Variants in SEMA3C observed in about 807,000 individuals in gnomAD.
SEMA3C encodes semaphorin-3C.
Under a neutral mutation model 89.4 loss-of-function variants are expected in SEMA3C, and 47 were observed. The ratio of observed to expected loss-of-function variants is 0.53; its 90% CI spans 0.42 to 0.67. The LOEUF (loss-of-function observed/expected upper bound fraction) is 0.67, where lower values mean the gene tolerates loss of function less well. SEMA3C is among the 30% of genes least tolerant of loss of function. The probability of loss-of-function intolerance (pLI) is 0.00; values close to 1 mark genes in which losing one functional copy is unlikely to be tolerated. For missense variants in SEMA3C, 839 were observed against 929.1 expected (o/e 0.90, Z 1.26); for synonymous variants, 310 against 320.2 (o/e 0.97, Z 0.34).
rs2115660871 is a variant in SEMA3C, at chr7:80,800,838, A to G, written c.917-12T>C. ...CAGAAACACATCCTCTATAAAAAGG[A>G]AAATATTCTTTTAAAGTTTCTAAAT... On this transcript the variant is annotated splice_polypyrimidine_tract_variant and intron_variant, in intron 9 of 17. Transcript: ENST00000265361. 1 of 1,491,704 alleles carries G rather than the reference A, an allele frequency of 6.7e-7. No homozygotes were observed. The highest frequency in any genetic ancestry group is 8.9e-7 in the Non-Finnish European group (1 of 1,121,062). 92.4% of individuals were successfully genotyped at this position (1,491,704 alleles called of 1,614,324 possible).
chr7:80,847,524 G>T (rs949004906), intron 2 of SEMA3C, among the ~76,000 whole-genome samples: 1 of 152,086 alleles, frequency 6.6e-6, no homozygotes, highest in Non-Finnish European at 1.5e-5. Flanking sequence ...GGTAATTACT[G>T]TTGGCACTCT....
chr7:80,911,579 C>T (rs1296371297), intron 2 of SEMA3C, among the ~76,000 whole-genome samples: 1 of 150,730 alleles, frequency 6.6e-6, no homozygotes, highest in Admixed American at 6.6e-5. Context: ...ATTTAGTAAA[C>T]ATGTTTAGGC....
chr7:80,890,284 AG>A (rs922893957), intron 2 of SEMA3C, among the ~76,000 whole-genome samples: 2 of 152,208 alleles, frequency 1.3e-5, no homozygotes, highest in African/African-American at 4.8e-5. Flanking sequence ...TTCTGAAGGA[AG>A]CTGAGGGTCT....
At chr7:80,763,501 C>T (rs896011428) in intron 13 of SEMA3C, among the ~76,000 whole-genome samples, 2 of 152,122 alleles carry the variant, frequency 1.3e-5, no homozygotes, top group Non-Finnish European at 2.9e-5. Flanking sequence ...TGCATTCTGA[C>T]TGACTCTGTT....
intron 2 of SEMA3C, among the ~76,000 whole-genome samples, chr7:80,836,155 C>T (rs536351816): frequency 2.6e-5 from 4 of 152,140 alleles, no homozygotes; most frequent in Non-Finnish European, 5.9e-5. Context: ...GAACTATCAA[C>T]ATCTCAGTGA....
intron 15 of SEMA3C, among the ~76,000 whole-genome samples, chr7:80,754,968 T>TTTTTTTTGTTTTTTGTTTTTTTGTA (rs1788032247): frequency 1.3e-4 from 1 of 7,754 alleles, no homozygotes; most frequent in Non-Finnish European, 4.6e-4. Flanking sequence ...TTTTTTTTTT[T>TTTTTTTTGTTTTTTGTTTTTTTGTA]TTTGTATTTT....
chr7:80,808,049 G>A (rs1191152187), intron 6 of SEMA3C, among the ~76,000 whole-genome samples: 1 of 152,132 alleles, frequency 6.6e-6, no homozygotes, highest in Non-Finnish European at 1.5e-5. Context: ...ATAGGAACAT[G>A]AGCATAGGAA....
intron 2 of SEMA3C, among the ~76,000 whole-genome samples, chr7:80,903,167 GAAC>G (rs1456433997): frequency 6.6e-6 from 1 of 152,026 alleles, no homozygotes; most frequent in African/African-American, 2.4e-5. Flanking sequence ...GTCATTGTGC[GAAC>G]ATCATATATT....
rs1791465808 is a variant in SEMA3C, at chr7:80,885,983, T to C, written c.103+30696A>G. On this transcript the variant is annotated intron_variant, in intron 2 of 17. Coordinates refer to ENST00000265361, the MANE Select transcript of SEMA3C (RefSeq NM_006379.5). Reference sequence around the variant, plus strand: ...TATTACAACAAACCTGCTGATGACATATTGATTTTTTAGTTTCAGTTGTCC... The same window carrying C: ...TATTACAACAAACCTGCTGATGACACATTGATTTTTTAGTTTCAGTTGTCC... 2.0e-5 allele frequency among the ~76,000 whole-genome samples: 3 copies of C among 152,168 alleles called. No homozygotes were observed. In the South Asian group the frequency reaches 6.2e-4, roughly 31 times the overall value.
intron 16 of SEMA3C, among the ~76,000 whole-genome samples, chr7:80,750,791 G>A (rs534597803): frequency 2.0e-5 from 3 of 151,960 alleles, no homozygotes; most frequent in South Asian, 4.2e-4. Context: ...AGTTGGGGAA[G>A]ATGAAAAATA....
intron 17 of SEMA3C, among the ~76,000 whole-genome samples, chr7:80,748,496 T>A (rs1527476): frequency 0.4 from 61,577 of 152,052 alleles, 12,862 homozygotes; most frequent in Non-Finnish European, 0.46. Context: ...AAGGTTATAG[T>A]TCAGTGTAAT....
At chr7:80,783,701 A>T (rs2117097330) in intron 12 of SEMA3C, among the ~76,000 whole-genome samples, 1 of 152,310 alleles carries the variant, frequency 6.6e-6, no homozygotes, top group Non-Finnish European at 1.5e-5. Context: ...ATTCCAAGAG[A>T]TGCAACTGCC....
At chr7:80,864,117 C>T (rs11974289) in intron 2 of SEMA3C, among the ~76,000 whole-genome samples, 19,534 of 151,854 alleles carry the variant, frequency 0.13, 1,989 homozygotes, top group African/African-American at 0.28. Context: ...CTGGAGACTA[C>T]TATTCTAAGT....
intron 2 of SEMA3C, among the ~76,000 whole-genome samples, chr7:80,877,980 T>C (rs1025240388): frequency 6.6e-6 from 1 of 152,228 alleles, no homozygotes; most frequent in Non-Finnish European, 1.5e-5. Flanking sequence ...AAGTTTTGTA[T>C]TGACAACTTA....
At position 80,893,921 on chromosome 7, in the gene SEMA3C, T is replaced by G. The variant is rs562642987; in HGVS notation, c.103+22758A>C. On this transcript the variant is annotated intron_variant, in intron 2 of 17. Coordinates refer to ENST00000265361, the MANE Select transcript of SEMA3C (RefSeq NM_006379.5). ...ACAACGTTACAACGTTATGAGAGTT[T>G]TCATGCTGTATCATGAATGAAAGGT... is the stretch of plus-strand genomic sequence containing the variant. Among the ~76,000 whole-genome samples the G allele has an allele frequency of 7.9e-5, 12 of 152,294 alleles. No individual in the cohort carries two copies. In the East Asian group the frequency reaches 2.3e-3, roughly 29 times the overall value.
rs184147434 is a variant in SEMA3C at position 80,779,745 on chromosome 7, G to T, written c.1354+9561C>A. Among the ~76,000 whole-genome samples, 2 of 152,218 alleles carry T rather than the reference G, an allele frequency of 1.3e-5. 1 individual carries two copies. Among genetic ancestry groups the T allele is most frequent in the Admixed American group, 1.3e-4 (2 of 15,290 alleles). On this transcript the variant is annotated intron_variant, in intron 12 of 17. Coordinates refer to ENST00000265361, the MANE Select transcript of SEMA3C (RefSeq NM_006379.5). ...TGAGTGCAGGTGGAACATGTGGCTTGCTTTTAAGCAACAGAAAAATATAAA... is the reference window on the plus strand; with the variant it reads ...TGAGTGCAGGTGGAACATGTGGCTTTCTTTTAAGCAACAGAAAAATATAAA...
chr7:80,771,064 A>C (rs1179822883), intron 12 of SEMA3C, among the ~76,000 whole-genome samples: 1 of 152,240 alleles, frequency 6.6e-6, no homozygotes, highest in Non-Finnish European at 1.5e-5. Context: ...AAGTAGTCTG[A>C]GTAAGGTGTG....
In SEMA3C at chr7:80,876,525, C is replaced by G. The variant is rs150106371; in HGVS notation, c.103+40154G>C. Among the ~76,000 whole-genome samples, 489 of 152,252 alleles carry G rather than the reference C, an allele frequency of 3.2e-3. 3 individuals carry two copies. Among genetic ancestry groups the G allele is most frequent in the African/African-American group, 0.011 (455 of 41,548 alleles). On this transcript the variant is annotated intron_variant, in intron 2 of 17. Transcript: ENST00000265361. ...CATTCGCCCCATCTATCAATTGGAA[C>G]TAATAACAGTATCTAATTTACTGAG...
chr7:80,857,898 T>C (rs904226985), intron 2 of SEMA3C, among the ~76,000 whole-genome samples: 1 of 152,192 alleles, frequency 6.6e-6, no homozygotes, highest in Admixed American at 6.6e-5. Flanking sequence ...TGTTTTGTTA[T>C]TGTATGTGAT....
Sources: allele counts gnomAD v4.1 joint callset (sites outside exome capture counted in the v4.1 genomes callset), GRCh38; gene constraint gnomAD v4.1.1; transcripts MANE v1.5; gene names NCBI Gene and HGNC (gene_info 2026-07-23, HGNC 2026-07-21).